The following AGBL4 variants were observed in gnomAD, a reference collection of about 807,000 sequenced individuals.
AGBL4 encodes AGBL carboxypeptidase 4.
AGBL4 carries 58 observed loss-of-function variants against 66.4 expected under a neutral mutation model. That is an observed-to-expected ratio of 0.87 (90% CI 0.71 to 1.09). The LOEUF (loss-of-function observed/expected upper bound fraction) is 1.09. Among genes scored for constraint, AGBL4 ranks in the 50% least tolerant of loss-of-function variants. AGBL4 has a pLI of 0.00. For synonymous variants in AGBL4, 234 were observed against 222.9 expected (o/e 1.05, Z -0.44); for missense variants, 579 against 631.0 (o/e 0.92, Z 0.88).
intron 1 of AGBL4, among the ~76,000 whole-genome samples, chr1:49,971,840 C>T (rs1276493817): frequency 7.5e-6 from 1 of 133,574 alleles, no homozygotes; most frequent in Admixed American, 8.1e-5. Context: ...TTCATCTCAT[C>T]TTACAAGCGT....
intron 6 of AGBL4, among the ~76,000 whole-genome samples, chr1:48,717,093 A>T (rs1006202754): frequency 6.6e-6 from 1 of 152,226 alleles, no homozygotes; most frequent in Non-Finnish European, 1.5e-5. Flanking sequence ...AGTGCAGTGC[A>T]GTGCCCCATC....
intron 4 of AGBL4, among the ~76,000 whole-genome samples, chr1:49,178,964 A>C (rs1369092581): frequency 6.6e-6 from 1 of 152,220 alleles, no homozygotes; most frequent in Non-Finnish European, 1.5e-5. Context: ...TAGTTCCATC[A>C]AGATGAAGGC....
intron 2 of AGBL4, among the ~76,000 whole-genome samples, chr1:49,735,657 T>C (rs1218029441): frequency 6.6e-6 from 1 of 151,964 alleles, no homozygotes; most frequent in East Asian, 1.9e-4. Flanking sequence ...ACACCTAACA[T>C]AAGAGCTACA....
intron 5 of AGBL4, among the ~76,000 whole-genome samples, chr1:48,985,712 A>ATGTC (rs1660131909): frequency 6.6e-6 from 1 of 152,166 alleles, no homozygotes; most frequent in South Asian, 2.1e-4. Context: ...GAAAACAGAA[A>ATGTC]TGTCTACCAC....
intron 2 of AGBL4, among the ~76,000 whole-genome samples, chr1:49,812,997 C>T (rs774386149): frequency 4.6e-5 from 7 of 152,026 alleles, no homozygotes; most frequent in Non-Finnish European, 7.4e-5. Flanking sequence ...AACTAAAAAG[C>T]GCATCACCTG....
intron 4 of AGBL4, among the ~76,000 whole-genome samples, chr1:49,152,309 C>T (rs891661367): frequency 6.6e-6 from 1 of 152,174 alleles, no homozygotes; most frequent in African/African-American, 2.4e-5. Context: ...ATTTTCCCTT[C>T]TCTTCCCTTC....
intron 6 of AGBL4, among the ~76,000 whole-genome samples, chr1:48,809,550 C>A (rs191861840): frequency 6.6e-6 from 1 of 152,246 alleles, no homozygotes; most frequent in African/African-American, 2.4e-5. Flanking sequence ...CATACAATGC[C>A]ACTTGGAGAC....
At chr1:48,967,519 T>G (rs1658542594) in intron 5 of AGBL4, among the ~76,000 whole-genome samples, 1 of 152,298 alleles carries the variant, frequency 6.6e-6, no homozygotes, top group African/African-American at 2.4e-5. Flanking sequence ...CACTGCATGA[T>G]TGCAAGATTG....
At chr1:48,633,976 C>G (rs1030176667) in intron 9 of AGBL4, among the ~76,000 whole-genome samples, 2 of 152,194 alleles carry the variant, frequency 1.3e-5, no homozygotes, top group Non-Finnish European at 2.9e-5. Context: ...TTGACTTGCC[C>G]AGAAGTGGGC....
intron 3 of AGBL4, among the ~76,000 whole-genome samples, chr1:49,557,455 G>T (rs757726653): frequency 6.6e-6 from 1 of 152,150 alleles, no homozygotes; most frequent in Non-Finnish European, 1.5e-5. Context: ...ATAATTCAGA[G>T]TGTCTCTGGG....
At chr1:49,815,061 A>G (rs1182597019) in intron 2 of AGBL4, among the ~76,000 whole-genome samples, 1 of 152,142 alleles carries the variant, frequency 6.6e-6, no homozygotes, top group Non-Finnish European at 1.5e-5. Flanking sequence ...AATGTACAAC[A>G]AAGTTATTAT....
intron 2 of AGBL4, among the ~76,000 whole-genome samples, chr1:49,783,889 C>T (rs940995275): frequency 1.3e-5 from 2 of 151,998 alleles, no homozygotes; most frequent in African/African-American, 4.8e-5. Context: ...AATAAGAAAA[C>T]AATTACATTG....
chr1:49,860,768 CAAAAAA>C (rs113628251), intron 1 of AGBL4, among the ~76,000 whole-genome samples: 1 of 133,580 alleles, frequency 7.5e-6, no homozygotes, highest in South Asian at 2.4e-4. Context: ...CCTTCCCCAG[CAAAAAA>C]AAAAACAAAA....
intron 1 of AGBL4, among the ~76,000 whole-genome samples, chr1:49,913,560 G>C (rs997383963): frequency 1.3e-5 from 2 of 152,228 alleles, no homozygotes; most frequent in African/African-American, 4.8e-5. Flanking sequence ...TCTCATGCTT[G>C]AGTTGGATGC....
chr1:49,645,701 C>A (rs975088102), intron 3 of AGBL4, among the ~76,000 whole-genome samples: 2 of 149,724 alleles, frequency 1.3e-5, no homozygotes, highest in Non-Finnish European at 3.0e-5. Flanking sequence ...TATCCTAACA[C>A]CAAAACCAGA....
intron 3 of AGBL4, among the ~76,000 whole-genome samples, chr1:49,460,422 G>C (rs1646486498): frequency 6.6e-6 from 1 of 151,430 alleles, no homozygotes; most frequent in African/African-American, 2.4e-5. Context: ...GTTCACATTT[G>C]GTATCCATTT....
At chr1:49,266,006 A>C (rs570516186) in intron 3 of AGBL4, 3 of 152,318 alleles carry the variant, frequency 2.0e-5, no homozygotes, top group Non-Finnish European at 4.4e-5. Context: ...AAAAGCATGG[A>C]GTCTGGATAA....
chr1:48,871,625 G>A (rs1375508996), intron 5 of AGBL4, among the ~76,000 whole-genome samples: 1 of 152,058 alleles, frequency 6.6e-6, no homozygotes, highest in East Asian at 1.9e-4. Flanking sequence ...GACATTCAGA[G>A]GAAACCAATT....
chr1:49,934,682 A>C (rs1341226082), intron 1 of AGBL4, among the ~76,000 whole-genome samples: 1 of 152,204 alleles, frequency 6.6e-6, no homozygotes, highest in African/African-American at 2.4e-5. Flanking sequence ...TAGACCAATA[A>C]ATACCTATAG....
Sources: gnomAD v4.1 joint callset for allele counts (sites outside exome capture counted in the v4.1 genomes callset) on GRCh38, gnomAD v4.1.1 for gene constraint, MANE v1.5 for transcripts, NCBI Gene and HGNC (gene_info 2026-07-23, HGNC 2026-07-21) for gene names.